Variants in PRUNE2 observed in about 807,000 individuals in gnomAD.
PRUNE2 encodes prune homolog 2 with BCH domain, also known as protein prune homolog 2.
A neutral mutation model predicts 252.0 loss-of-function variants in PRUNE2; 164 were observed. That is an observed-to-expected ratio of 0.65 (90% CI 0.57 to 0.74). The LOEUF is 0.74. Ranked by LOEUF, PRUNE2 falls within the 30% of genes least tolerant of loss-of-function variation. PRUNE2 has a pLI of 0.00. For missense variants in PRUNE2, 3,495 were observed against 3,711.0 expected, an observed-to-expected ratio of 0.94 and a Z score of 1.51; for synonymous variants, 1,292 against 1,350.2, an observed-to-expected ratio of 0.96 and a Z score of 0.94.
intron 9 of PRUNE2, among the ~76,000 whole-genome samples, chr9:76,686,376 A>T (rs1373922211): frequency 2.6e-5 from 4 of 152,212 alleles, no homozygotes; most frequent in African/African-American, 9.7e-5. Flanking sequence ...GCAAGCACAT[A>T]AAAAAACTTG....
chr9:76,707,722 A>T lies in PRUNE2; in HGVS notation c.4552T>A (p.Ser1518Thr). Residue 1518 changes from serine to threonine, a missense_variant, in exon 8 of 19, where the codon TCT becomes ACT. Physicochemically the swap from Ser to Thr is moderately conservative, Grantham distance 58. Transcript: ENST00000376718. Reference sequence around the variant, plus strand: ...CCGGCTCCTGGAAGGCTATTTTCAGACCCCTTAACGTCAAGATTTTTGGTT... The same window carrying T: ...CCGGCTCCTGGAAGGCTATTTTCAGTCCCCTTAACGTCAAGATTTTTGGTT... ...EITKNLDVKG[S>T]ENSLPGAGSS... The T allele has an allele frequency of 6.2e-7, 1 of 1,613,712 alleles. No homozygotes were observed. The highest frequency in any genetic ancestry group is 1.1e-5 in the South Asian group (1 of 91,062).
At chr9:76,772,003 C>T (rs2130957141) in intron 6 of PRUNE2, among the ~76,000 whole-genome samples, 1 of 152,282 alleles carries the variant, frequency 6.6e-6, no homozygotes, top group Non-Finnish European at 1.5e-5. Flanking sequence ...AGCAAATTTG[C>T]CTATACGAAG....
Position 76,612,219 on chromosome 9 carries a change from A to G in PRUNE2, c.*2351T>C, listed in dbSNP as rs560284957. On this transcript the variant is annotated 3_prime_UTR_variant, in exon 19 of 19. Transcript: ENST00000376718. ...AACAAAATCATTGGGACAAATGCCC[A>G]TAATTTTCATGTAGGAAGATGAGGC... 7.9e-5 allele frequency: 12 copies of G among 152,386 alleles called. No individual in the cohort carries two copies. Among genetic ancestry groups the G allele is most frequent in the East Asian group, 1.9e-4 (1 of 5,192 alleles). The allele number at this position is 152,386 out of a possible 1,614,324, so 9.4% of individuals were successfully genotyped here. A position where few individuals can be genotyped will look rare whatever the true frequency, so the allele number is the denominator to read the frequency against.
chr9:76,636,519 G>A lies in PRUNE2; in HGVS notation c.9002C>T (p.Pro3001Leu). 6.4e-7 allele frequency: 1 copy of A among 1,556,574 alleles called. No individual in the cohort carries two copies. The highest frequency in any genetic ancestry group is 8.7e-7 in the Non-Finnish European group (1 of 1,147,144). Residue 3001 changes from proline to leucine, a missense_variant, in exon 15 of 19, where the codon CCA becomes CTA. Physicochemically the swap from Pro to Leu is moderately conservative, Grantham distance 98. Transcript: ENST00000376718. Reference sequence around the variant, plus strand: ...AAGGATTGTTCTGATGAACCAAGATGGATGAACAATGATGAATGATTTCAA... The same window carrying A: ...AAGGATTGTTCTGATGAACCAAGATAGATGAACAATGATGAATGATTTCAA... ...KNLKSFIIVH[P>L]SWFIRTILAV...
chr9:76,799,925 G>A (rs1441101696), intron 6 of PRUNE2, among the ~76,000 whole-genome samples: 1 of 152,156 alleles, frequency 6.6e-6, no homozygotes, highest in East Asian at 1.9e-4. Context: ...AAAAGAGGCT[G>A]TGAGACCCGC....
intron 6 of PRUNE2, among the ~76,000 whole-genome samples, chr9:76,817,192 T>C (rs1208409312): frequency 6.6e-6 from 1 of 152,190 alleles, no homozygotes; most frequent in African/African-American, 2.4e-5. Flanking sequence ...TGATAGCTGA[T>C]GACTTACTAG....
At chr9:76,796,083 A>G (rs1235959179) in intron 6 of PRUNE2, among the ~76,000 whole-genome samples, 2 of 152,234 alleles carry the variant, frequency 1.3e-5, no homozygotes, top group African/African-American at 4.8e-5. Context: ...AAGTTTGTGT[A>G]TAATTTGGGT....
intron 1 of PRUNE2, among the ~76,000 whole-genome samples, chr9:76,870,609 C>A (rs1170220041): frequency 1.3e-5 from 2 of 151,588 alleles, no homozygotes; most frequent in African/African-American, 4.9e-5. Flanking sequence ...TGGCGTGAAC[C>A]CGGGAGGCGG....
intron 6 of PRUNE2, among the ~76,000 whole-genome samples, chr9:76,720,976 G>A (rs1036531479): frequency 2.0e-5 from 3 of 152,062 alleles, no homozygotes; most frequent in South Asian, 2.1e-4. Context: ...TGACCGGCGC[G>A]TGTAGTCCCA....
At chr9:76,655,190 G>A (rs145333816) in intron 10 of PRUNE2, among the ~76,000 whole-genome samples, 84 of 152,254 alleles carry the variant, frequency 5.5e-4, no homozygotes, top group African/African-American at 2.0e-3. Context: ...TGGCAGATAA[G>A]GCTGTGGTCT....
chr9:76,851,560 A>AC (rs35766485), intron 2 of PRUNE2, among the ~76,000 whole-genome samples: 42,860 of 150,640 alleles, frequency 0.28, 6,928 homozygotes, highest in African/African-American at 0.45. Context: ...AAAAAAAAAA[A>AC]ACACACACAC....
At chr9:76,865,387 T>G (rs138439993) in intron 1 of PRUNE2, among the ~76,000 whole-genome samples, 3 of 152,158 alleles carry the variant, frequency 2.0e-5, no homozygotes, top group African/African-American at 7.2e-5. Flanking sequence ...TCTAGTACAG[T>G]AATACACAGT....
At chr9:76,692,149 C>A (rs1478497703) in intron 9 of PRUNE2, 1 of 717,432 alleles carries the variant, frequency 1.4e-6, no homozygotes. Context: ...CATCTCTCTT[C>A]TGAGCAGTTA....
chr9:76,664,253 A>G (rs2039697881), intron 9 of PRUNE2, among the ~76,000 whole-genome samples: 1 of 152,200 alleles, frequency 6.6e-6, no homozygotes, highest in Non-Finnish European at 1.5e-5. Context: ...TTGTAAGGAC[A>G]GTCAAGCAGC....
chr9:76,643,192 G>A (rs754213369), intron 12 of PRUNE2, among the ~76,000 whole-genome samples: 18 of 152,136 alleles, frequency 1.2e-4, no homozygotes, highest in Non-Finnish European at 2.2e-4. Flanking sequence ...GAGTCTACTG[G>A]AGTATTAGCA....
In PRUNE2 at chr9:76,652,347, C is replaced by A. The variant is rs1847734250; in HGVS notation, c.8557+136G>T. The A allele has an allele frequency of 4.5e-6, 3 of 671,602 alleles. No individual in the cohort carries two copies. The Admixed American group carries it at 7.5e-5, about 17-fold the overall frequency. The allele number at this position is 671,602 out of a possible 1,614,324, so 41.6% of individuals were successfully genotyped here. ...CAGGCTCCAAACTGTCAATCATGGC[C>A]ACCTATAACCTGAAATAAAAACAGA... On this transcript the variant is annotated intron_variant, in intron 11 of 18. Coordinates refer to ENST00000376718, the MANE Select transcript of PRUNE2 (RefSeq NM_015225.3).
At chr9:76,842,754 T>C (rs1230549545) in intron 4 of PRUNE2, among the ~76,000 whole-genome samples, 1 of 152,100 alleles carries the variant, frequency 6.6e-6, no homozygotes, top group Non-Finnish European at 1.5e-5. Context: ...ATTAGAGAAA[T>C]GCAAATCAAA....
intron 6 of PRUNE2, among the ~76,000 whole-genome samples, chr9:76,743,474 G>A (rs771742717): frequency 6.6e-6 from 1 of 152,068 alleles, no homozygotes; most frequent in African/African-American, 2.4e-5. Context: ...CCTCTATGGG[G>A]AACAGTCCCA....
At chr9:76,783,050 G>C (rs1046376062) in intron 6 of PRUNE2, among the ~76,000 whole-genome samples, 1 of 152,212 alleles carries the variant, frequency 6.6e-6, no homozygotes, top group African/African-American at 2.4e-5. Context: ...AGTCCACATA[G>C]TAGGTATTGT....
Sources: allele counts gnomAD v4.1 joint callset (sites outside exome capture counted in the v4.1 genomes callset), GRCh38; gene constraint gnomAD v4.1.1; transcripts MANE v1.5; gene names NCBI Gene and HGNC (gene_info 2026-07-23, HGNC 2026-07-21).